PRSS38: variants seen among roughly 807,000 people sequenced by gnomAD.
PRSS38 encodes the protein serine protease 38.
PRSS38 carries 22 observed loss-of-function variants against 26.8 expected under a neutral mutation model. That is an observed-to-expected ratio of 0.82 (90% CI 0.59 to 1.17). The LOEUF is 1.17. Ranked by LOEUF, PRSS38 falls within the 50% of genes most tolerant of loss-of-function variation. PRSS38 has a pLI of 0.00. For missense variants in PRSS38, 427 were observed against 422.7 expected (o/e 1.01, Z -0.09); for synonymous variants, 175 against 172.1 (o/e 1.02, Z -0.13).
At chr1:227,828,571 G>A (rs1166428332) in intron 3 of PRSS38, among the ~76,000 whole-genome samples, 1 of 152,198 alleles carries the variant, frequency 6.6e-6, no homozygotes, top group Non-Finnish European at 1.5e-5. Context: ...CAATTCCCCA[G>A]GGAGAGGAGC....
intron 3 of PRSS38, among the ~76,000 whole-genome samples, chr1:227,843,129 T>G (rs572139021): frequency 6.6e-6 from 1 of 152,276 alleles, no homozygotes; most frequent in African/African-American, 2.4e-5. Context: ...TAGCCTTCTC[T>G]TGGCAGAATT....
chr1:227,818,226 T>A (rs908169214), intron 3 of PRSS38, among the ~76,000 whole-genome samples: 3 of 152,218 alleles, frequency 2.0e-5, no homozygotes, highest in African/African-American at 4.8e-5. Context: ...CCTGGAGATT[T>A]CAGGTTGATA....
intron 3 of PRSS38, among the ~76,000 whole-genome samples, chr1:227,839,016 T>A (rs2102684169): frequency 6.6e-6 from 1 of 152,270 alleles, no homozygotes; most frequent in South Asian, 2.1e-4. Context: ...AAGGAATAAG[T>A]GTTCTGGCAG....
At chr1:227,835,714 T>C (rs935349792) in intron 3 of PRSS38, among the ~76,000 whole-genome samples, 4 of 152,198 alleles carry the variant, frequency 2.6e-5, no homozygotes, top group Non-Finnish European at 5.9e-5. Flanking sequence ...CTAAAAGTCC[T>C]ATATTGTGTG....
rs1664928090 is a variant in PRSS38 at position 227,817,000 on chromosome 1, TTG to T, written c.312-208_312-207del. The stretch of plus-strand genomic sequence containing the variant: ...GTACAGCTGGTGGTCGTGTACAGAC[TTG>T]GGTCCCCAGAGCCTCCATGGGCCAA... On this transcript the variant is annotated intron_variant, in intron 2 of 4. Transcript: ENST00000366757. This position sits in a 1 kb window ranked among gnomAD's most constrained non-coding sequence, Gnocchi z 5.1. Among the ~76,000 whole-genome samples, 2 of 152,188 alleles carry T rather than the reference TTG, an allele frequency of 1.3e-5. No homozygotes were observed. Among genetic ancestry groups the T allele is most frequent in the African/African-American group, 2.4e-5 (1 of 41,436 alleles).
chr1:227,820,643 G>T (rs909820896), intron 3 of PRSS38, among the ~76,000 whole-genome samples: 6 of 152,014 alleles, frequency 3.9e-5, no homozygotes, highest in African/African-American at 1.2e-4. Flanking sequence ...TTTGCTGAGG[G>T]TTTTTACATC....
At chr1:227,824,129 C>T (rs774311420) in intron 3 of PRSS38, among the ~76,000 whole-genome samples, 2 of 152,052 alleles carry the variant, frequency 1.3e-5, no homozygotes, top group African/African-American at 4.8e-5. Context: ...TGTAGGTAAA[C>T]ATGTGCCATG....
At chr1:227,841,207 T>C (rs1348591206) in intron 3 of PRSS38, among the ~76,000 whole-genome samples, 1 of 152,234 alleles carries the variant, frequency 6.6e-6, no homozygotes, top group African/African-American at 2.4e-5. Context: ...TGGGATAGCC[T>C]GAGCTGGGGG....
At chr1:227,825,797 T>G (rs1391049845) in intron 3 of PRSS38, among the ~76,000 whole-genome samples, 1 of 152,218 alleles carries the variant, frequency 6.6e-6, no homozygotes, top group Non-Finnish European at 1.5e-5. Flanking sequence ...TAGTATCATT[T>G]GAAATTGGGT....
At chr1:227,831,391 A>G (rs778583070) in intron 3 of PRSS38, among the ~76,000 whole-genome samples, 4 of 152,138 alleles carry the variant, frequency 2.6e-5, no homozygotes, top group Non-Finnish European at 4.4e-5. Flanking sequence ...CTATAATTTT[A>G]CACTTTTTGA....
chr1:227,816,374 C>G lies in PRSS38; in HGVS notation c.311+122C>G. On this transcript the variant is annotated intron_variant, in intron 2 of 4. Transcript: ENST00000366757. The surrounding 1 kb of genome is among the most constrained non-coding windows in gnomAD (Gnocchi z 5.1). ...CATTGTCGACTCCCTTCACCACTGTCGACCCGCGCAAGGCCAGGTCCCCAC... is the reference window on the plus strand; with the variant it reads ...CATTGTCGACTCCCTTCACCACTGTGGACCCGCGCAAGGCCAGGTCCCCAC... 9.2e-7 allele frequency: 1 copy of G among 1,084,094 alleles called. No individual in the cohort carries two copies. The highest frequency in any genetic ancestry group is 1.3e-6 in the Non-Finnish European group (1 of 754,826). The allele number at this position is 1,084,094 out of a possible 1,614,324, so 67.2% of individuals were successfully genotyped here.
At chr1:227,845,138 G>A (rs187346504) in intron 3 of PRSS38, among the ~76,000 whole-genome samples, 35 of 143,824 alleles carry the variant, frequency 2.4e-4, no homozygotes, top group African/African-American at 8.1e-4. Flanking sequence ...CTCCCTATGC[G>A]TGGTGGGGCT....
chr1:227,842,765 C>T (rs1440763710), intron 3 of PRSS38, among the ~76,000 whole-genome samples: 1 of 151,990 alleles, frequency 6.6e-6, no homozygotes, highest in African/African-American at 2.4e-5. Context: ...TAGTAGAATA[C>T]GGGGTTTCTC....
Position 227,843,065 on chromosome 1 carries a change from T to A in PRSS38, c.584-2405T>A, listed in dbSNP as rs1399375613. Reference sequence around the variant, plus strand: ...ATGAGGACCGGCCTTTATATTCTCCTAACACCCTGAGACGGACACTAGGAA... The same window carrying A: ...ATGAGGACCGGCCTTTATATTCTCCAAACACCCTGAGACGGACACTAGGAA... On this transcript the variant is annotated intron_variant, in intron 3 of 4. Transcript: ENST00000366757. Among the ~76,000 whole-genome samples, 5 of 152,206 alleles carry A rather than the reference T, an allele frequency of 3.3e-5. 1 individual carries two copies. The highest frequency in any genetic ancestry group is 1.2e-4 in the African/African-American group (5 of 41,448).
chr1:227,830,832 G>A (rs1261905438), intron 3 of PRSS38, among the ~76,000 whole-genome samples: 2 of 151,996 alleles, frequency 1.3e-5, no homozygotes, highest in Non-Finnish European at 2.9e-5. Context: ...ATAGCACACA[G>A]TTGTTCATAA....
chr1:227,825,479 C>T lies in PRSS38; in HGVS notation c.583+7999C>T, dbSNP rs192808834. On this transcript the variant is annotated intron_variant, in intron 3 of 4. Coordinates refer to ENST00000366757, the Ensembl canonical transcript of PRSS38. ...TGCTGTGATTACAGGCGTAAGCCAC[C>T]GCGTCTGGCCTCTAGGTTTTTTAAA... is the stretch of plus-strand genomic sequence containing the variant. Among the ~76,000 whole-genome samples the T allele has an allele frequency of 2.2e-4, 33 of 152,308 alleles. No individual in the cohort carries two copies. The East Asian group carries it at 3.5e-3, about 16-fold the overall frequency.
chr1:227,839,325 C>T (rs1665282109), intron 3 of PRSS38, among the ~76,000 whole-genome samples: 1 of 151,962 alleles, frequency 6.6e-6, no homozygotes, highest in Non-Finnish European at 1.5e-5. Flanking sequence ...AAATAATTAG[C>T]CAGACATGGA....
exon 5 of PRSS38, chr1:227,846,445 A>G: frequency 1.8e-6 from 1 of 571,112 alleles, no homozygotes; most frequent in Non-Finnish European, 3.1e-6. Context: ...GAGATTTGAT[A>G]AGATCATTAA....
At chr1:227,833,117 A>C (rs1031341886) in intron 3 of PRSS38, among the ~76,000 whole-genome samples, 1 of 152,230 alleles carries the variant, frequency 6.6e-6, no homozygotes, top group Non-Finnish European at 1.5e-5. Flanking sequence ...ACCCAAAGTG[A>C]TCTACAAACA....
Sources: gnomAD v4.1 joint callset for allele counts (sites outside exome capture counted in the v4.1 genomes callset) on GRCh38, gnomAD v4.1.1 for gene constraint, Gnocchi (gnomAD v3.1) non-coding constraint, MANE v1.5 for transcripts, NCBI Gene and HGNC (gene_info 2026-07-23, HGNC 2026-07-21) for gene names.